Variants in NDUFAF2 observed in about 807,000 individuals in gnomAD.
NDUFAF2 encodes the protein NADH dehydrogenase [ubiquinone] 1 alpha subcomplex assembly factor 2.
In NDUFAF2, 13 loss-of-function variants were observed where a neutral mutation model predicts 22.8. That is an observed-to-expected ratio of 0.57 (90% CI 0.37 to 0.91). NDUFAF2 has a LOEUF of 0.91. Among genes scored for constraint, NDUFAF2 ranks in the 40% least tolerant of loss-of-function variants. The pLI is 0.01. For synonymous variants in NDUFAF2, 53 were observed against 64.2 expected (o/e 0.83, Z 0.84); for missense variants, 162 against 195.2 (o/e 0.83, Z 1.01).
intron 2 of NDUFAF2, among the ~76,000 whole-genome samples, chr5:61,098,766 C>T (rs1373535737): frequency 6.6e-6 from 1 of 152,136 alleles, no homozygotes; most frequent in African/African-American, 2.4e-5. Context: ...ATATTCTCTT[C>T]ATGACACATA....
chr5:60,946,440 C>T (rs1018785904), intron 1 of NDUFAF2, among the ~76,000 whole-genome samples: 1 of 152,092 alleles, frequency 6.6e-6, no homozygotes, highest in African/African-American at 2.4e-5. Context: ...TTTGCCTGGC[C>T]TTTTTCTGTA....
intron 1 of NDUFAF2, among the ~76,000 whole-genome samples, chr5:60,957,893 AC>A (rs1388690094): frequency 6.6e-6 from 1 of 151,738 alleles, no homozygotes; most frequent in African/African-American, 2.4e-5. Context: ...TTTTTGAAAA[AC>A]CTGTATTTTG....
chr5:61,044,590 C>T (rs1288544277), intron 1 of NDUFAF2, among the ~76,000 whole-genome samples: 1 of 152,106 alleles, frequency 6.6e-6, no homozygotes, highest in Non-Finnish European at 1.5e-5. Flanking sequence ...ACTGTCCTTT[C>T]CCCATTGTGG....
At chr5:61,085,778 G>C (rs916296291) in intron 2 of NDUFAF2, among the ~76,000 whole-genome samples, 9 of 151,626 alleles carry the variant, frequency 5.9e-5, no homozygotes, top group African/African-American at 1.2e-4. Flanking sequence ...GAAGATTTAG[G>C]GATAAATTTA....
rs187342194 is a variant in NDUFAF2, at chr5:61,072,722, G to T, written c.128-403G>T. On this transcript the variant is annotated intron_variant, in intron 1 of 3. Coordinates refer to ENST00000296597, the MANE Select transcript of NDUFAF2 (RefSeq NM_174889.5). ...AGTGATTCTCGTGCTTTAGCCTCCT[G>T]AGTAGAGTAGCTGGGACTACAGGTG... Among the ~76,000 whole-genome samples the T allele has an allele frequency of 5.4e-3, 825 of 152,138 alleles. 10 individuals are homozygous for T. The highest frequency in any genetic ancestry group is 0.019 in the African/African-American group (796 of 41,504).
chr5:60,951,451 C>G (rs546707029), intron 1 of NDUFAF2, among the ~76,000 whole-genome samples: 1 of 152,186 alleles, frequency 6.6e-6, no homozygotes, highest in Non-Finnish European at 1.5e-5. Flanking sequence ...AATAAAGCTG[C>G]TATAAATATT....
At chr5:61,067,408 T>C (rs1005513954) in intron 1 of NDUFAF2, among the ~76,000 whole-genome samples, 2 of 149,462 alleles carry the variant, frequency 1.3e-5, no homozygotes, top group Non-Finnish European at 3.0e-5. Flanking sequence ...GAACATGTGG[T>C]GTTTGGTTTT....
intron 1 of NDUFAF2, among the ~76,000 whole-genome samples, chr5:61,045,535 C>T (rs1433854247): frequency 1.3e-5 from 2 of 151,678 alleles, no homozygotes; most frequent in Admixed American, 6.6e-5. Context: ...GACGGGGTCT[C>T]GCTATTTTGT....
chr5:61,059,631 A>G (rs34599), intron 1 of NDUFAF2, among the ~76,000 whole-genome samples: 20,918 of 152,074 alleles, frequency 0.14, 1,779 homozygotes, highest in South Asian at 0.26. Context: ...GCATTTTGAT[A>G]TAATATTGGA....
intron 3 of NDUFAF2, among the ~76,000 whole-genome samples, chr5:61,145,122 A>C (rs1741119991): frequency 6.6e-6 from 1 of 152,164 alleles, no homozygotes; most frequent in African/African-American, 2.4e-5. Context: ...AACAAACTTT[A>C]AATCTCTTTT....
At chr5:61,001,921 G>A (rs1015526402) in intron 1 of NDUFAF2, among the ~76,000 whole-genome samples, 3 of 152,084 alleles carry the variant, frequency 2.0e-5, no homozygotes, top group Non-Finnish European at 4.4e-5. Context: ...TCTAAAACTA[G>A]TATCGTCATA....
intron 1 of NDUFAF2, among the ~76,000 whole-genome samples, chr5:60,970,583 A>G (rs1257920054): frequency 6.6e-6 from 1 of 152,284 alleles, no homozygotes; most frequent in African/African-American, 2.4e-5. Flanking sequence ...ATCAATTTCA[A>G]TAGTTTTTTA....
intron 2 of NDUFAF2, among the ~76,000 whole-genome samples, chr5:61,080,533 T>C (rs944736929): frequency 1.3e-5 from 2 of 152,236 alleles, no homozygotes; most frequent in Non-Finnish European, 2.9e-5. Context: ...TCAGTTTCAT[T>C]ACATTTGAGC....
chr5:60,989,360 A>C (rs1206067459), intron 1 of NDUFAF2, among the ~76,000 whole-genome samples: 2 of 152,130 alleles, frequency 1.3e-5, no homozygotes, highest in African/African-American at 4.8e-5. Context: ...GCAATTCCTC[A>C]AAGAACTTAG....
At chr5:61,073,275 C>G (rs1752324694) in intron 2 of NDUFAF2, 61 bp downstream of exon 2, 10 of 1,171,054 alleles carry the variant, frequency 8.5e-6, no homozygotes, top group Non-Finnish European at 1.3e-5. Context: ...TATACAAATT[C>G]AATAAGAGCA....
At chr5:61,018,054 T>A (rs1751534974) in intron 1 of NDUFAF2, among the ~76,000 whole-genome samples, 1 of 152,170 alleles carries the variant, frequency 6.6e-6, no homozygotes, top group Non-Finnish European at 1.5e-5. Flanking sequence ...ATCCTCATAT[T>A]AACTTATTTA....
At chr5:61,108,162 C>T (rs1342503864) in intron 3 of NDUFAF2, among the ~76,000 whole-genome samples, 3 of 148,248 alleles carry the variant, frequency 2.0e-5, no homozygotes, top group East Asian at 1.9e-4. Context: ...AATAAACATA[C>T]GTGTGCATGT....
intron 1 of NDUFAF2, among the ~76,000 whole-genome samples, chr5:60,965,654 G>A (rs1341892685): frequency 2.0e-5 from 3 of 152,044 alleles, no homozygotes; most frequent in Non-Finnish European, 2.9e-5. Flanking sequence ...TTCACTTAGC[G>A]TAGTATCTTC....
At chr5:61,008,549 T>C (rs1751402853) in intron 1 of NDUFAF2, among the ~76,000 whole-genome samples, 1 of 152,132 alleles carries the variant, frequency 6.6e-6, no homozygotes, top group Non-Finnish European at 1.5e-5. Flanking sequence ...TTAAATGCAC[T>C]GAGCTTCAAT....
Sources: gnomAD v4.1 joint callset for allele counts (sites outside exome capture counted in the v4.1 genomes callset) on GRCh38, gnomAD v4.1.1 for gene constraint, MANE v1.5 for transcripts, NCBI Gene and HGNC (gene_info 2026-07-23, HGNC 2026-07-21) for gene names.